The following LRRC4C variants were observed in gnomAD, a reference collection of about 807,000 sequenced individuals.
LRRC4C encodes leucine rich repeat containing 4C.
A neutral mutation model predicts 33.6 loss-of-function variants in LRRC4C; 5 were observed. The ratio of observed to expected loss-of-function variants is 0.15; its 90% CI spans 0.08 to 0.31. LRRC4C has a LOEUF of 0.31. LRRC4C is among the 10% of genes least tolerant of loss of function. LRRC4C has a pLI of 1.00. For synonymous variants in LRRC4C, 329 were observed against 302.0 expected, an observed-to-expected ratio of 1.09 and a Z score of -0.93; for missense variants, 560 against 796.7, an observed-to-expected ratio of 0.70 and a Z score of 3.58.
At chr11:40,203,818 A>G (rs1318865441) in intron 5 of LRRC4C, among the ~76,000 whole-genome samples, 1 of 152,214 alleles carries the variant, frequency 6.6e-6, no homozygotes, top group East Asian at 1.9e-4. Context: ...GACTGGATAA[A>G]TATCTAAATG....
intron 1 of LRRC4C, among the ~76,000 whole-genome samples, chr11:41,100,781 AC>A (rs1941125458): frequency 6.6e-6 from 1 of 152,110 alleles, no homozygotes; most frequent in African/African-American, 2.4e-5. Flanking sequence ...ATGCTATCCA[AC>A]TTTAAACTAC....
At chr11:41,085,410 G>A (rs1271472487) in intron 1 of LRRC4C, among the ~76,000 whole-genome samples, 1 of 152,158 alleles carries the variant, frequency 6.6e-6, no homozygotes, top group Non-Finnish European at 1.5e-5. Context: ...GCAGTAAGAA[G>A]TGGTAGTGTT....
intron 3 of LRRC4C, among the ~76,000 whole-genome samples, chr11:40,391,357 T>C (rs1001669259): frequency 2.8e-5 from 3 of 105,992 alleles, no homozygotes; most frequent in African/African-American, 1.1e-4. Flanking sequence ...ACAAATCTGA[T>C]GTATGTAGGA....
At chr11:40,484,537 C>T (rs1274887757) in intron 3 of LRRC4C, among the ~76,000 whole-genome samples, 1 of 151,736 alleles carries the variant, frequency 6.6e-6, no homozygotes, top group Non-Finnish European at 1.5e-5. Flanking sequence ...ACAGAAAATA[C>T]AAACAAGAAA....
intron 3 of LRRC4C, among the ~76,000 whole-genome samples, chr11:40,369,441 G>A (rs1948355081): frequency 6.6e-6 from 1 of 152,132 alleles, no homozygotes. Flanking sequence ...TGCCTCCCGG[G>A]TTCAAGCATT....
chr11:40,459,016 T>C (rs914037748), intron 3 of LRRC4C, among the ~76,000 whole-genome samples: 1 of 152,096 alleles, frequency 6.6e-6, no homozygotes, highest in Non-Finnish European at 1.5e-5. Context: ...TATACAGAGA[T>C]AAAATGCACA....
rs543063725 is a variant in LRRC4C at position 41,042,236 on chromosome 11, A to G, written c.-495-108513T>C. 4.6e-5 allele frequency among the ~76,000 whole-genome samples: 7 copies of G among 152,314 alleles called. No individual in the cohort carries two copies. The East Asian group carries it at 1.2e-3, about 25-fold the overall frequency. ...TACTTAGTTGTGAATTGCAGTCACAATGTTCTTGTAATCCAATATAAAGAC... is the reference window on the plus strand; with the variant it reads ...TACTTAGTTGTGAATTGCAGTCACAGTGTTCTTGTAATCCAATATAAAGAC... On this transcript the variant is annotated intron_variant, in intron 1 of 6. Transcript: ENST00000528697.
At chr11:40,324,483 C>G (rs1946001051) in intron 3 of LRRC4C, among the ~76,000 whole-genome samples, 1 of 152,134 alleles carries the variant, frequency 6.6e-6, no homozygotes, top group Admixed American at 6.5e-5. Flanking sequence ...ATGAAATGGG[C>G]AATGAAAGAT....
chr11:40,365,657 A>G (rs1454428058), intron 3 of LRRC4C, among the ~76,000 whole-genome samples: 1 of 152,054 alleles, frequency 6.6e-6, no homozygotes, highest in Non-Finnish European at 1.5e-5. Flanking sequence ...TGTTACAAGA[A>G]GTAAATGTCA....
intron 5 of LRRC4C, among the ~76,000 whole-genome samples, chr11:40,236,629 A>G (rs947338763): frequency 3.9e-5 from 6 of 152,046 alleles, no homozygotes; most frequent in Non-Finnish European, 7.4e-5. Flanking sequence ...AAGGTCCCTG[A>G]GGCACCCCCC....
intron 1 of LRRC4C, among the ~76,000 whole-genome samples, chr11:41,178,731 T>C (rs974281189): frequency 6.6e-6 from 1 of 152,024 alleles, no homozygotes; most frequent in South Asian, 2.1e-4. Context: ...TGAGACGGAG[T>C]CTCGCTCTGT....
At chr11:41,075,990 C>G (rs928848942) in intron 1 of LRRC4C, among the ~76,000 whole-genome samples, 1 of 152,050 alleles carries the variant, frequency 6.6e-6, no homozygotes, top group Non-Finnish European at 1.5e-5. Context: ...TCTATTTCAA[C>G]TTTCTACCCT....
chr11:40,854,205 G>C (rs1180119465), intron 2 of LRRC4C, among the ~76,000 whole-genome samples: 2 of 152,140 alleles, frequency 1.3e-5, no homozygotes, highest in East Asian at 3.9e-4. Flanking sequence ...CTCCCACCAT[G>C]GTTTAACCTC....
intron 1 of LRRC4C, among the ~76,000 whole-genome samples, chr11:40,984,371 G>GAA (rs1215045021): frequency 1.8e-5 from 1 of 56,052 alleles, no homozygotes; most frequent in Non-Finnish European, 4.6e-5. Flanking sequence ...AAAAAAGAAA[G>GAA]AAAGAAAGAA....
At chr11:40,349,992 T>C (rs1227154609) in intron 3 of LRRC4C, among the ~76,000 whole-genome samples, 1 of 152,114 alleles carries the variant, frequency 6.6e-6, no homozygotes, top group Non-Finnish European at 1.5e-5. Context: ...TGGTTATTAG[T>C]CCCTTGTCAG....
chr11:40,833,858 G>A (rs531278363), intron 2 of LRRC4C, among the ~76,000 whole-genome samples: 2 of 152,118 alleles, frequency 1.3e-5, no homozygotes, highest in African/African-American at 4.8e-5. Flanking sequence ...ACTGAGAACC[G>A]GCTGTTCTGC....
chr11:40,391,664 A>G (rs1949341433), intron 3 of LRRC4C, among the ~76,000 whole-genome samples: 1 of 152,168 alleles, frequency 6.6e-6, no homozygotes, highest in African/African-American at 2.4e-5. Flanking sequence ...CACTTGATAG[A>G]TCATTATAGC....
intron 3 of LRRC4C, among the ~76,000 whole-genome samples, chr11:40,598,670 AAT>A (rs1374291671): frequency 6.6e-6 from 1 of 152,252 alleles, no homozygotes; most frequent in African/African-American, 2.4e-5. Flanking sequence ...TGTTTTATTT[AAT>A]ATGTACCAGA....
intron 2 of LRRC4C, among the ~76,000 whole-genome samples, chr11:40,798,003 C>T (rs184292400): frequency 7.2e-5 from 11 of 152,248 alleles, no homozygotes; most frequent in Admixed American, 7.2e-4. Context: ...TGCCAAAAAT[C>T]GCAACTAGAG....
Sources: gnomAD v4.1 joint callset for allele counts (sites outside exome capture counted in the v4.1 genomes callset) on GRCh38, gnomAD v4.1.1 for gene constraint, MANE v1.5 for transcripts, NCBI Gene and HGNC (gene_info 2026-07-23, HGNC 2026-07-21) for gene names.